Variants in MTHFD1L observed in about 807,000 individuals in gnomAD.
MTHFD1L encodes methylenetetrahydrofolate dehydrogenase (NADP+ dependent) 1 like.
In MTHFD1L, 81 loss-of-function variants were observed where a neutral mutation model predicts 119.5. The observed-to-expected ratio is 0.68, with a 90% CI of 0.57 to 0.82. The LOEUF is 0.82. MTHFD1L is among the 40% of genes least tolerant of loss of function. The probability of loss-of-function intolerance (pLI) is 0.00; values close to 1 mark genes in which losing one functional copy is unlikely to be tolerated. For synonymous variants in MTHFD1L, 430 were observed against 475.2 expected (o/e 0.90, Z 1.24); for missense variants, 1,125 against 1,253.4 (o/e 0.90, Z 1.55).
chr6:151,041,091 C>G (rs1394441856), intron 26 of MTHFD1L, among the ~76,000 whole-genome samples: 21 of 152,186 alleles, frequency 1.4e-4, no homozygotes, highest in Non-Finnish European at 4.4e-5. Context: ...GTGATGAAAT[C>G]TCCTGGAACA....
chr6:150,933,039 A>T (rs1791425857), intron 11 of MTHFD1L, among the ~76,000 whole-genome samples: 1 of 152,150 alleles, frequency 6.6e-6, no homozygotes, highest in Non-Finnish European at 1.5e-5. Flanking sequence ...GAGGTGAAAT[A>T]AGCTTTTTTA....
In MTHFD1L at chr6:150,926,303, A is replaced by T. The variant is rs803455; in HGVS notation, c.1256+8A>T. The T allele has an allele frequency of 6.9e-6, 11 of 1,604,288 alleles. No homozygotes were observed. The highest frequency in any genetic ancestry group is 9.4e-6 in the Non-Finnish European group (11 of 1,172,684). On this transcript the variant is annotated splice_region_variant and intron_variant, in intron 11 of 27. Transcript: ENST00000367321. This position sits in a 1 kb window ranked among gnomAD's most constrained non-coding sequence, Gnocchi z 4.3. ...ATACGTCTTAGTTGCTGGGTAAGAC[A>T]CCATCTAACATCTACTTGATCAAGC...
In MTHFD1L at chr6:150,936,808, A is replaced by G. The variant is rs769062583; in HGVS notation, c.1261A>G (p.Thr421Ala). The change falls in exon 12 of 28, where the codon ACA becomes GCA. Residue 421 changes from threonine to alanine, a missense_variant. Thr to Ala is a moderately conservative substitution (Grantham distance 58). This residue lies in a region of MTHFD1L where 1,058 missense variants were observed against 1,151.2 expected (regional missense o/e 0.92). Transcript: ENST00000367321. ...ACTTTCTCCCCCCGAACTCAGGATC[A>G]CACCCACCCCTCTTGGAGAAGGGAA... Reference protein sequence around the residue: ...DGKYVLVAGITPTPLGEGKST... With the variant: ...DGKYVLVAGIAPTPLGEGKST... 1 of 1,612,712 alleles carries G rather than the reference A, an allele frequency of 6.2e-7. No individual in the cohort carries two copies. The highest frequency in any genetic ancestry group is 1.3e-5 in the African/African-American group (1 of 74,888).
At chr6:151,079,551 G>A (rs144188420) in intron 26 of MTHFD1L, among the ~76,000 whole-genome samples, 7 of 152,116 alleles carry the variant, frequency 4.6e-5, no homozygotes, top group Non-Finnish European at 7.4e-5. Flanking sequence ...GTGCGATGGC[G>A]TGATCTCGGC....
At chr6:150,927,812 G>A (rs1287191786) in intron 11 of MTHFD1L, among the ~76,000 whole-genome samples, 1 of 152,034 alleles carries the variant, frequency 6.6e-6, no homozygotes, top group Non-Finnish European at 1.5e-5. Context: ...GTAGCAAAAT[G>A]CCCAGGATGA....
chr6:150,975,713 G>A (rs1321882), intron 20 of MTHFD1L, among the ~76,000 whole-genome samples: 64,156 of 151,752 alleles, frequency 0.42, 15,436 homozygotes, highest in East Asian at 0.63. Flanking sequence ...TCTTGCACTT[G>A]GGCTCGCCCT....
At chr6:150,941,069 C>A (rs74579419) in intron 13 of MTHFD1L, among the ~76,000 whole-genome samples, 3,034 of 152,296 alleles carry the variant, frequency 0.02, 44 homozygotes, top group African/African-American at 0.038. Context: ...CATAATAAAT[C>A]ACCATAGGGG....
intron 23 of MTHFD1L, 37 bp downstream of exon 23, chr6:151,015,017 C>T: frequency 6.6e-7 from 1 of 1,519,274 alleles, no homozygotes; most frequent in Non-Finnish European, 9.1e-7. Context: ...TGGGCATTAT[C>T]ACTAGGCCAC....
chr6:150,986,773 C>T (rs547615264), intron 20 of MTHFD1L, among the ~76,000 whole-genome samples: 1 of 152,278 alleles, frequency 6.6e-6, no homozygotes, highest in Non-Finnish European at 1.5e-5. Flanking sequence ...GGCACAATAT[C>T]GGCTCACCAC....
At chr6:150,963,979 A>G (rs376455072) in intron 18 of MTHFD1L, among the ~76,000 whole-genome samples, 5 of 152,304 alleles carry the variant, frequency 3.3e-5, no homozygotes, top group East Asian at 3.9e-4. Flanking sequence ...CAGCCTGGCC[A>G]ATATGGTGAA....
At chr6:150,905,302 G>C (rs1174646922) in intron 7 of MTHFD1L, among the ~76,000 whole-genome samples, 2 of 152,042 alleles carry the variant, frequency 1.3e-5, no homozygotes, top group African/African-American at 4.8e-5. Flanking sequence ...TAAGTGCTGG[G>C]ATTACAGGTG....
At chr6:151,084,997 A>ATGTATATATT (rs1344852013) in intron 26 of MTHFD1L, among the ~76,000 whole-genome samples, 44 of 140,760 alleles carry the variant, frequency 3.1e-4, no homozygotes, top group African/African-American at 1.1e-3. Flanking sequence ...ATATATATAT[A>ATGTATATATT]TATATATGTA....
chr6:150,930,262 C>T (rs1406079700), intron 11 of MTHFD1L, among the ~76,000 whole-genome samples: 1 of 152,092 alleles, frequency 6.6e-6, no homozygotes, highest in Non-Finnish European at 1.5e-5. Context: ...CAGCAAAAAG[C>T]AGCACTGGTT....
intron 26 of MTHFD1L, among the ~76,000 whole-genome samples, chr6:151,069,976 G>A (rs1430293722): frequency 1.3e-5 from 2 of 152,270 alleles, no homozygotes; most frequent in Admixed American, 6.5e-5. Context: ...GAGGACCTGT[G>A]TTGACTCTTC....
intron 13 of MTHFD1L, among the ~76,000 whole-genome samples, chr6:150,943,985 A>C (rs1793556876): frequency 6.6e-6 from 1 of 152,186 alleles, no homozygotes; most frequent in Non-Finnish European, 1.5e-5. Context: ...CTATAAGGAG[A>C]TTCATTATTA....
chr6:151,098,731 T>C (rs528098758), intron 27 of MTHFD1L, among the ~76,000 whole-genome samples: 1 of 152,346 alleles, frequency 6.6e-6, no homozygotes, highest in African/African-American at 2.4e-5. Context: ...ATTTTCCCAC[T>C]GAGTTAACTT....
chr6:150,930,505 A>G (rs1360377193), intron 11 of MTHFD1L, among the ~76,000 whole-genome samples: 2 of 152,002 alleles, frequency 1.3e-5, no homozygotes, highest in African/African-American at 2.4e-5. Context: ...ATTGTAAAAA[A>G]TTTAACATAA....
rs1368815703 is a variant in MTHFD1L at position 151,009,397 on chromosome 6, AGGTGT to A, written c.2126-417_2126-413del. Among the ~76,000 whole-genome samples the A allele has an allele frequency of 2.6e-5, 4 of 151,358 alleles. No individual in the cohort carries two copies. In the East Asian group the frequency reaches 7.9e-4, roughly 30 times the overall value. The stretch of plus-strand genomic sequence containing the variant: ...AAAATACAAAAATAAAAAATTAGCC[AGGTGT>A]GGTGGCAAACACCTGTAGCTACTCA... On this transcript the variant is annotated intron_variant, in intron 20 of 27. Coordinates refer to ENST00000367321, the MANE Select transcript of MTHFD1L (RefSeq NM_015440.5).
chr6:150,866,559 G>C (rs1778370512), intron 1 of MTHFD1L: 2 of 1,237,008 alleles, frequency 1.6e-6, no homozygotes, highest in Non-Finnish European at 2.0e-6. Context: ...CTGGTGTTGT[G>C]CGCCCTTCCC....
Sources: gnomAD v4.1 joint callset for allele counts (sites outside exome capture counted in the v4.1 genomes callset) on GRCh38, gnomAD v4.1.1 for gene constraint, gnomAD v4.1.1 regional missense constraint, Gnocchi (gnomAD v3.1) non-coding constraint, MANE v1.5 for transcripts, NCBI Gene and HGNC (gene_info 2026-07-23, HGNC 2026-07-21) for gene names.